The following CREBBP variants were observed in gnomAD, a reference collection of about 807,000 sequenced individuals.
CREBBP encodes the protein CREB binding lysine acetyltransferase, also known as CREB-binding protein.
In CREBBP, 19 loss-of-function variants were observed where a neutral mutation model predicts 265.0. The ratio of observed to expected loss-of-function variants is 0.07; its 90% CI spans 0.05 to 0.11. The LOEUF is 0.11. Among genes scored for constraint, CREBBP ranks in the 10% least tolerant of loss-of-function variants. The pLI, the probability that CREBBP is intolerant of heterozygous loss-of-function variation, is 1.00. For synonymous variants in CREBBP, 1,457 were observed against 1,223.7 expected (o/e 1.19, Z -3.98); for missense variants, 2,525 against 3,219.0 (o/e 0.78, Z 5.22).
At chr16:3,753,855 G>C (rs949089284) in intron 19 of CREBBP, among the ~76,000 whole-genome samples, 1 of 152,176 alleles carries the variant, frequency 6.6e-6, no homozygotes, top group Admixed American at 6.5e-5. Context: ...GACCGTTCAA[G>C]ACATTCTGAA....
intron 1 of CREBBP, among the ~76,000 whole-genome samples, chr16:3,873,546 G>A (rs2055341991): frequency 6.6e-6 from 1 of 152,168 alleles, no homozygotes; most frequent in African/African-American, 2.4e-5. Context: ...TAAGTCCTAG[G>A]ACTTACAAGG....
At chr16:3,791,845 G>C in intron 5 of CREBBP, 136 bp downstream of exon 5, 2 of 773,746 alleles carry the variant, frequency 2.6e-6, no homozygotes, top group East Asian at 5.3e-5. Flanking sequence ...GCTGTACCTT[G>C]GGCTGCTGTC....
At chr16:3,824,496 T>G (rs2054201354) in intron 2 of CREBBP, among the ~76,000 whole-genome samples, 1 of 152,250 alleles carries the variant, frequency 6.6e-6, no homozygotes, top group East Asian at 1.9e-4. Flanking sequence ...TTATTCATAC[T>G]GATGGTTAGT....
intron 1 of CREBBP, among the ~76,000 whole-genome samples, chr16:3,856,002 T>C (rs1300129392): frequency 6.6e-6 from 1 of 152,280 alleles, no homozygotes; most frequent in Non-Finnish European, 1.5e-5. Flanking sequence ...CTAATTACTA[T>C]GATTTGCTCA....
intron 26 of CREBBP, among the ~76,000 whole-genome samples, chr16:3,737,400 TGGGGCAGGGAAGGTTTAACAGCAA>T: frequency 6.6e-6 from 1 of 151,690 alleles, no homozygotes; most frequent in East Asian, 1.9e-4. Flanking sequence ...AGTGGTCGCC[TGGGGCAGGGAAGGTTTAACAGCAA>T]GGGGCAGGAG....
rs1384354704 is a variant in CREBBP at position 3,873,777 on chromosome 16, G to C, written c.85+6055C>G. ...GGCCAGCTGGTTTGGTGGCCGGGTG[G>C]GAGCCCATGGGTACGGAACTCGGAA... On this transcript the variant is annotated intron_variant, in intron 1 of 30. Coordinates refer to ENST00000262367, the MANE Select transcript of CREBBP (RefSeq NM_004380.3). Among the ~76,000 whole-genome samples, 7 of 152,268 alleles carry C rather than the reference G, an allele frequency of 4.6e-5. No individual in the cohort carries two copies. In the East Asian group the frequency reaches 1.4e-3, roughly 29 times the overall value.
intron 3 of CREBBP, among the ~76,000 whole-genome samples, chr16:3,798,559 A>G (rs1257675945): frequency 6.6e-6 from 1 of 152,266 alleles, no homozygotes; most frequent in Admixed American, 6.5e-5. Context: ...CGAATGGCCA[A>G]TAAGCACATG....
intron 2 of CREBBP, among the ~76,000 whole-genome samples, chr16:3,822,962 A>G (rs1211812028): frequency 2.0e-5 from 3 of 152,214 alleles, no homozygotes; most frequent in African/African-American, 4.8e-5. Context: ...TGAGGTCAAC[A>G]TAAGGAACCG....
At chr16:3,812,993 G>T (rs988968610) in intron 2 of CREBBP, 1 of 220,008 alleles carries the variant, frequency 4.5e-6, no homozygotes, top group Non-Finnish European at 9.1e-6. Flanking sequence ...TCCTTCTATG[G>T]ACTTCAAACT....
At position 3,773,859 on chromosome 16, in the gene CREBBP, G is replaced by A. The variant is rs1324519681; in HGVS notation, c.2355C>T (p.Ala785=). The A allele has an allele frequency of 6.2e-7, 1 of 1,612,192 alleles. No individual in the cohort carries two copies. The highest frequency in any genetic ancestry group is 1.3e-5 in the African/African-American group (1 of 74,758). Residue 785 remains alanine, a synonymous_variant, in exon 13 of 31, where the codon GCC becomes GCT. Coordinates refer to ENST00000262367, the MANE Select transcript of CREBBP (RefSeq NM_004380.3). ...GAAACTGGCTCTGAGCGGGCGCCTG[G>A]GCCATCATGTTGTTGGTGTGTGCAC... The part of the protein sequence containing the change: ...MMGAHTNNMM[A]QAPAQSQFLP...
In CREBBP at chr16:3,787,690, T is replaced by C. The variant is rs553312829; in HGVS notation, c.1330+4291A>G. On this transcript the variant is annotated intron_variant, in intron 5 of 30. Coordinates refer to ENST00000262367, the MANE Select transcript of CREBBP (RefSeq NM_004380.3). ...TTTTGTTTTGTTTGAGACGTAGTCTTGCTCTGTCGCCCAGGCTGGAGTGCA... is the reference window on the plus strand; with the variant it reads ...TTTTGTTTTGTTTGAGACGTAGTCTCGCTCTGTCGCCCAGGCTGGAGTGCA... Among the ~76,000 whole-genome samples, 17 of 152,188 alleles carry C rather than the reference T, an allele frequency of 1.1e-4. No individual in the cohort carries two copies. In the South Asian group the frequency reaches 3.5e-3, roughly 32 times the overall value.
chr16:3,824,297 G>A (rs985841447), intron 2 of CREBBP, among the ~76,000 whole-genome samples: 3 of 152,244 alleles, frequency 2.0e-5, no homozygotes, highest in Non-Finnish European at 4.4e-5. Context: ...CAGGAATGGG[G>A]AAAAACACCT....
At chr16:3,776,996 C>G (rs942817695) in intron 11 of CREBBP, among the ~76,000 whole-genome samples, 1 of 150,128 alleles carries the variant, frequency 6.7e-6, no homozygotes, top group African/African-American at 2.5e-5. Context: ...CCAGCCTGGG[C>G]AACAAAGTAA....
chr16:3,824,156 T>TG (rs2054194803), intron 2 of CREBBP, among the ~76,000 whole-genome samples: 1 of 152,104 alleles, frequency 6.6e-6, no homozygotes, highest in Non-Finnish European at 1.5e-5. Flanking sequence ...GACTGCTAAA[T>TG]GGAGTTTCAA....
At chr16:3,775,180 G>A (rs899404801) in intron 11 of CREBBP, among the ~76,000 whole-genome samples, 1 of 152,178 alleles carries the variant, frequency 6.6e-6, no homozygotes, top group African/African-American at 2.4e-5. Context: ...AGGATTCCCA[G>A]CTCCTTGCTG....
intron 2 of CREBBP, 100 bp downstream of exon 2, chr16:3,850,196 AG>A: frequency 8.6e-7 from 1 of 1,161,180 alleles, no homozygotes; most frequent in East Asian, 2.3e-5. Context: ...AGAGCCCAAG[AG>A]GAAAAACAGG....
At chr16:3,858,176 A>G (rs2055002109) in intron 1 of CREBBP, among the ~76,000 whole-genome samples, 1 of 152,234 alleles carries the variant, frequency 6.6e-6, no homozygotes, top group African/African-American at 2.4e-5. Context: ...TTTCACCTTA[A>G]GCAAGGAATG....
chr16:3,749,207 C>T (rs1438614475), intron 21 of CREBBP, among the ~76,000 whole-genome samples: 1 of 152,160 alleles, frequency 6.6e-6, no homozygotes, highest in Non-Finnish European at 1.5e-5. Context: ...AGAAAATGTG[C>T]CAAGCTTTAC....
At chr16:3,872,199 C>T (rs914066266) in intron 1 of CREBBP, among the ~76,000 whole-genome samples, 3 of 152,022 alleles carry the variant, frequency 2.0e-5, no homozygotes, top group Admixed American at 2.0e-4. Context: ...TAAATACAGC[C>T]ACAGTCACCG....
Sources: allele counts gnomAD v4.1 joint callset (sites outside exome capture counted in the v4.1 genomes callset), GRCh38; gene constraint gnomAD v4.1.1; transcripts MANE v1.5; gene names NCBI Gene and HGNC (gene_info 2026-07-23, HGNC 2026-07-21).